Variants in CRELD2 observed in about 807,000 individuals in gnomAD.
The protein encoded by CRELD2 is protein disulfide isomerase CRELD2.
CRELD2 carries 33 observed loss-of-function variants against 48.1 expected under a neutral mutation model. The observed-to-expected ratio is 0.69, with a 90% CI of 0.52 to 0.92. The LOEUF (loss-of-function observed/expected upper bound fraction) is 0.92. Among genes scored for constraint, CRELD2 ranks in the 40% least tolerant of loss-of-function variants. The pLI is 0.00. For synonymous variants in CRELD2, 220 were observed against 203.9 expected (o/e 1.08, Z -0.67); for missense variants, 477 against 482.4 (o/e 0.99, Z 0.10).
intron 3 of CRELD2, 24 bp downstream of exon 3, chr22:49,919,864 A>G (rs751349496): frequency 3.4e-6 from 5 of 1,482,876 alleles, no homozygotes; most frequent in South Asian, 1.2e-5. Flanking sequence ...AACCTCTTAG[A>G]AGATACTTTT....
At chr22:49,923,592 GC>G in intron 7 of CRELD2, 2 of 560,558 alleles carry the variant, frequency 3.6e-6, no homozygotes, top group Admixed American at 5.5e-5. Flanking sequence ...CCCGCAACGT[GC>G]CCTGCGTGAC....
rs1489924727 is a variant in CRELD2 at position 49,919,891 on chromosome 22, A to T, written c.323+51A>T. 2.2e-6 allele frequency: 3 copies of T among 1,344,814 alleles called. No individual in the cohort carries two copies. In the African/African-American group the frequency reaches 4.4e-5, roughly 20 times the overall value. 83.3% of individuals were successfully genotyped at this position (1,344,814 alleles called of 1,614,324 possible). ...GATACTTTTTATTTTCCAACTTAGA[A>T]TTTGAAATAACCTCAGACTTAGAAA... On this transcript the variant is annotated intron_variant, in intron 3 of 9. Transcript: ENST00000328268.
At chr22:49,924,733 C>G in intron 8 of CRELD2, 2 of 272,582 alleles carry the variant, frequency 7.3e-6, no homozygotes, top group Non-Finnish European at 1.4e-5. Flanking sequence ...CGCCTCTGCT[C>G]TCCCTCCAGC....
In CRELD2 at chr22:49,927,305, T is replaced by C. The variant is rs2060778881; in HGVS notation, c.1060T>C (p.Ter354GlnextTer7). The change falls in exon 10 of 10, where the codon TAA (stop) becomes CAA (glutamine). Residue 354 changes from the stop codon to glutamine (Q), a stop_lost. Transcript: ENST00000328268. ...ACAGCTGCCCTCCCGCGAAGACCTG[T>C]AATGTGCCGGACTTACCCTTTAAAT... Reference protein sequence around the residue: ...PTQLPSREDL* With the variant: ...PTQLPSREDLQ 2 of 1,611,466 alleles carry C rather than the reference T, an allele frequency of 1.2e-6. No individual in the cohort carries two copies. Among genetic ancestry groups the C allele is most frequent in the African/African-American group, 2.7e-5 (2 of 74,840 alleles).
intron 8 of CRELD2, 122 bp from the exon 9 acceptor site, chr22:49,925,295 T>G: frequency 1.4e-6 from 1 of 731,496 alleles, no homozygotes; most frequent in South Asian, 1.8e-5. Context: ...CTCCTTTCTG[T>G]AACGTGACGT....
intron 6 of CRELD2, among the ~76,000 whole-genome samples, chr22:49,922,927 T>TGTGG (rs1283126908): frequency 4.5e-5 from 2 of 44,188 alleles, no homozygotes; most frequent in South Asian, 5.9e-4. Flanking sequence ...GGGCGTGAGG[T>TGTGG]GGGGGCGTGA....
intron 8 of CRELD2, chr22:49,924,820 G>A (rs1339691508): frequency 5.5e-6 from 1 of 182,770 alleles, no homozygotes; most frequent in African/African-American, 2.4e-5. Flanking sequence ...CCTGGGCGTG[G>A]ATGGAACCCG....
Position 49,918,828 on chromosome 22 carries a change from C to T in CRELD2, c.59C>T (p.Pro20Leu). The part of the protein sequence containing the change: ...GLLPLLLLLP[P>L]APEAAKKPTP... The stretch of plus-strand genomic sequence containing the variant: ...CTGCCGCTTCTGCTGCTGCTGCCGC[C>T]CGCGCCGGAGGCCGCCAAGAAGCCG... Residue 20 changes from proline (P) to leucine (L), a missense_variant, in exon 1 of 10, where the codon CCC becomes CTC. Transcript: ENST00000328268. 1 of 1,326,392 alleles carries T rather than the reference C, an allele frequency of 7.5e-7. No individual in the cohort carries two copies. Among genetic ancestry groups the T allele is most frequent in the Non-Finnish European group, 9.6e-7 (1 of 1,042,170 alleles). 82.2% of individuals were successfully genotyped at this position (1,326,392 alleles called of 1,614,324 possible). A position where few individuals can be genotyped will look rare whatever the true frequency, so the allele number is the denominator to read the frequency against.
At chr22:49,919,643 C>T (rs1440497966) in intron 2 of CRELD2, 87 bp from the exon 3 acceptor site, 18 of 997,966 alleles carry the variant, frequency 1.8e-5, no homozygotes, top group Non-Finnish European at 2.5e-5. Flanking sequence ...CTCCCCGGCC[C>T]CTGCACCCAG....
intron 8 of CRELD2, 90 bp from the exon 9 acceptor site, chr22:49,925,327 T>G: frequency 1.1e-6 from 1 of 883,206 alleles, no homozygotes. Flanking sequence ...GTGCTTTCTT[T>G]ATGTGAATGA....
chr22:49,922,629 A>G lies in CRELD2; in HGVS notation c.610A>G (p.Lys204Glu). Residue 204 changes from lysine (K) to glutamate (E), a missense_variant, in exon 6 of 10, where the codon AAG becomes GAG. By Grantham distance (56) the Lys-to-Glu change is moderately conservative. Coordinates refer to ENST00000328268, the MANE Select transcript of CRELD2 (RefSeq NM_024324.5). Reference sequence around the variant, plus strand: ...CCTTCCAGCCTGTGACGAGTCCTGCAAGACGTGCTCGGGCCTGACCAACAG... The same window carrying G: ...CCTTCCAGCCTGTGACGAGTCCTGCGAGACGTGCTCGGGCCTGACCAACAG... ...SICTACDESC[K>E]TCSGLTNRDC... is the part of the protein sequence containing the mutation. 1 of 1,565,354 alleles carries G rather than the reference A, an allele frequency of 6.4e-7. No homozygotes were observed. Among genetic ancestry groups the G allele is most frequent in the Non-Finnish European group, 8.7e-7 (1 of 1,153,896 alleles).
Position 49,918,674 on chromosome 22 carries a change from C to G in CRELD2, c.-96C>G, listed in dbSNP as rs1205379219. The G allele has an allele frequency of 3.4e-5, 14 of 411,248 alleles. No individual in the cohort carries two copies. In the East Asian group the frequency reaches 5.0e-4, roughly 15 times the overall value. The allele number at this position is 411,248 out of a possible 1,614,324, so 25.5% of individuals were successfully genotyped here. On this transcript the variant is annotated 5_prime_UTR_variant, in exon 1 of 10. Coordinates refer to ENST00000328268, the MANE Select transcript of CRELD2 (RefSeq NM_024324.5). Reference sequence around the variant, plus strand: ...CCGTCAAGTAGCCTGGGGGACAGGCCGGCGCGGCTGGGAGCGGGTGGGCGG... The same window carrying G: ...CCGTCAAGTAGCCTGGGGGACAGGCGGGCGCGGCTGGGAGCGGGTGGGCGG...
At chr22:49,926,429 TC>T (rs2060764572) in intron 9 of CRELD2, 1 of 152,272 alleles carries the variant, frequency 6.6e-6, no homozygotes, top group Non-Finnish European at 1.5e-5. Flanking sequence ...CGATTCAGAT[TC>T]CAGAAGCTGT....
At chr22:49,922,920 C>CTG (rs2060715570) in intron 6 of CRELD2, among the ~76,000 whole-genome samples, 1 of 23,692 alleles carries the variant, frequency 4.2e-5, no homozygotes, top group African/African-American at 3.6e-4. Context: ...GGTGTGGGGG[C>CTG]GTGAGGTGGG....
In CRELD2 at chr22:49,922,615, G is replaced by A; in HGVS notation, c.596G>A (p.Cys199Tyr). The change falls in exon 6 of 10, where the codon TGT becomes TAT. Residue 199 changes from cysteine (C) to tyrosine (Y), a missense_variant. Physicochemically the swap from Cys to Tyr is radical, Grantham distance 194 (BLOSUM62 -2). Coordinates refer to ENST00000328268, the MANE Select transcript of CRELD2 (RefSeq NM_024324.5). ...CAGGCCCGCCTTTGCCTTCCAGCCT[G>A]TGACGAGTCCTGCAAGACGTGCTCG... ...RNETHSICTA[C>Y]DESCKTCSGL... 6.4e-7 allele frequency: 1 copy of A among 1,553,824 alleles called. No homozygotes were observed. Among genetic ancestry groups the A allele is most frequent in the Non-Finnish European group, 8.7e-7 (1 of 1,145,590 alleles).
chr22:49,923,659 G>A, intron 7 of CRELD2: 1 of 432,596 alleles, frequency 2.3e-6, no homozygotes, highest in South Asian at 2.2e-5. Flanking sequence ...GAACGTCTCT[G>A]CGTCCTGTGG....
intron 6 of CRELD2, 105 bp from the exon 7 acceptor site, chr22:49,923,129 C>A: frequency 1.1e-6 from 1 of 883,940 alleles, no homozygotes; most frequent in Non-Finnish European, 1.7e-6. Context: ...CCCTGCCCTT[C>A]CCCAGCCGGC....
rs1327848841 is a variant in CRELD2, at chr22:49,924,393, A to T, written c.806A>T (p.Glu269Val). 1.1e-5 allele frequency: 18 copies of T among 1,612,210 alleles called. No homozygotes were observed. The highest frequency in any genetic ancestry group is 1.5e-5 in the Non-Finnish European group (18 of 1,179,412). The change falls in exon 8 of 10, where the codon GAA (glutamate) becomes GTA (valine). Residue 269 changes from glutamate to valine, a missense_variant. Physicochemically the swap from Glu to Val is moderately radical, Grantham distance 121 (BLOSUM62 -2). Coordinates refer to ENST00000328268, the MANE Select transcript of CRELD2 (RefSeq NM_024324.5). ...TCCAGCTGTGTGGGCTGCACAGGGG[A>T]AGGCCCAGGAAACTGTAAAGAGTGT... ...CDSSCVGCTG[E>V]GPGNCKECIS...
intron 9 of CRELD2, chr22:49,925,878 G>T: frequency 1.7e-6 from 1 of 592,500 alleles, no homozygotes; most frequent in Non-Finnish European, 2.4e-6. Context: ...AGCTGGAAAA[G>T]TCATCCGGGG....
Sources: gnomAD v4.1 joint callset for allele counts (sites outside exome capture counted in the v4.1 genomes callset) on GRCh38, gnomAD v4.1.1 for gene constraint, MANE v1.5 for transcripts, NCBI Gene and HGNC (gene_info 2026-07-23, HGNC 2026-07-21) for gene names.